The following DLG2 variants were observed in gnomAD, a reference collection of about 807,000 sequenced individuals.
The protein encoded by DLG2 is disks large homolog 2.
A neutral mutation model predicts 132.5 loss-of-function variants in DLG2; 45 were observed. The ratio of observed to expected loss-of-function variants is 0.34; its 90% CI spans 0.27 to 0.44. The LOEUF (loss-of-function observed/expected upper bound fraction) is 0.44. Ranked by LOEUF, DLG2 falls within the 20% of genes least tolerant of loss-of-function variation. The pLI, the probability that DLG2 is intolerant of heterozygous loss-of-function variation, is 1.00. For synonymous variants in DLG2, 424 were observed against 419.6 expected, an observed-to-expected ratio of 1.01 and a Z score of -0.13; for missense variants, 1,045 against 1,196.9, an observed-to-expected ratio of 0.87 and a Z score of 1.87.
At chr11:84,859,365 T>C (rs1404723833) in intron 6 of DLG2, among the ~76,000 whole-genome samples, 5 of 146,620 alleles carry the variant, frequency 3.4e-5, no homozygotes, top group Non-Finnish European at 7.5e-5. Flanking sequence ...AACATATATG[T>C]ATATATACAC....
At chr11:85,049,558 A>T (rs2062692174) in intron 6 of DLG2, among the ~76,000 whole-genome samples, 1 of 152,096 alleles carries the variant, frequency 6.6e-6, no homozygotes, top group Non-Finnish European at 1.5e-5. Context: ...GCCAGTAATT[A>T]TCTGCACTAG....
chr11:83,822,294 G>C lies in DLG2; in HGVS notation c.1722+11320C>G, dbSNP rs116867007. On this transcript the variant is annotated intron_variant, in intron 17 of 27. Transcript: ENST00000376104. The stretch of plus-strand genomic sequence containing the variant: ...TCAGGCCTAGGCTCCTCCCACTAGA[G>C]GCTTCTCTCTGAAATAATTTCTATT... 8.0e-3 allele frequency among the ~76,000 whole-genome samples: 1,223 copies of C among 152,156 alleles called. 12 individuals are homozygous for C. Among genetic ancestry groups the C allele is most frequent in the Non-Finnish European group, 0.014 (928 of 67,992 alleles).
intron 7 of DLG2, among the ~76,000 whole-genome samples, chr11:84,461,174 G>A (rs2099079187): frequency 6.6e-6 from 1 of 150,814 alleles, no homozygotes; most frequent in African/African-American, 2.4e-5. Context: ...GCTATTACTT[G>A]TCAAGCTCAC....
At chr11:84,016,590 C>A (rs921253545) in intron 11 of DLG2, among the ~76,000 whole-genome samples, 1 of 152,078 alleles carries the variant, frequency 6.6e-6, no homozygotes, top group African/African-American at 2.4e-5. Context: ...CTCCCAGCAT[C>A]ATTTATTAAA....
chr11:85,559,398 C>T (rs904867959), intron 3 of DLG2, among the ~76,000 whole-genome samples: 1 of 151,366 alleles, frequency 6.6e-6, no homozygotes, highest in African/African-American at 2.4e-5. Flanking sequence ...ATCTGCCCGC[C>T]TCGGCCTCCC....
chr11:83,999,210 T>C (rs981493074), intron 11 of DLG2, among the ~76,000 whole-genome samples: 1 of 151,952 alleles, frequency 6.6e-6, no homozygotes, highest in Admixed American at 6.6e-5. Context: ...CCTGGCTTTG[T>C]CCCTTCTTCC....
intron 8 of DLG2, among the ~76,000 whole-genome samples, chr11:84,191,629 C>T (rs1200674813): frequency 6.6e-6 from 1 of 152,142 alleles, no homozygotes; most frequent in Non-Finnish European, 1.5e-5. Flanking sequence ...AATACCTTAT[C>T]AAACCGTTTA....
chr11:85,511,921 CGGGGTCTTAGTATGTTGCCCAGGCT>C (rs1487420302), intron 3 of DLG2, among the ~76,000 whole-genome samples: 1 of 151,710 alleles, frequency 6.6e-6, no homozygotes, highest in African/African-American at 2.4e-5. Context: ...TTTGCAGAGA[CGGGGTCTTAGTATGTTGCCCAGGCT>C]GGTAAACCTT....
At chr11:84,638,607 T>A (rs2099644753) in intron 6 of DLG2, among the ~76,000 whole-genome samples, 1 of 152,232 alleles carries the variant, frequency 6.6e-6, no homozygotes. Context: ...ATGAGTGTTA[T>A]TTTTTGAAAT....
At chr11:84,119,395 A>G (rs2093795816) in intron 9 of DLG2, among the ~76,000 whole-genome samples, 2 of 151,882 alleles carry the variant, frequency 1.3e-5, no homozygotes, top group Admixed American at 1.3e-4. Context: ...CCATATGCAG[A>G]TGAGCGTTTT....
intron 5 of DLG2, among the ~76,000 whole-genome samples, chr11:85,116,504 T>A (rs1416096280): frequency 6.6e-6 from 1 of 151,996 alleles, no homozygotes; most frequent in African/African-American, 2.4e-5. Context: ...TACTTACAAA[T>A]ATGATTTATG....
intron 3 of DLG2, among the ~76,000 whole-genome samples, chr11:85,485,303 G>A (rs1002136168): frequency 7.2e-5 from 11 of 152,196 alleles, no homozygotes; most frequent in African/African-American, 2.7e-4. Context: ...GTATACATAT[G>A]TAACTAACCT....
chr11:83,916,078 C>G (rs542268998), intron 15 of DLG2, among the ~76,000 whole-genome samples: 1 of 152,240 alleles, frequency 6.6e-6, no homozygotes, highest in South Asian at 2.1e-4. Flanking sequence ...GTACTTCATT[C>G]TTTTTTCTGG....
At chr11:83,920,456 C>A (rs1330088148) in intron 15 of DLG2, among the ~76,000 whole-genome samples, 1 of 152,090 alleles carries the variant, frequency 6.6e-6, no homozygotes, top group African/African-American at 2.4e-5. Flanking sequence ...GCCCTTCCCC[C>A]ATACTGCCAA....
intron 9 of DLG2, among the ~76,000 whole-genome samples, chr11:84,121,226 A>T (rs912490430): frequency 6.6e-6 from 1 of 152,232 alleles, no homozygotes; most frequent in Admixed American, 6.5e-5. Flanking sequence ...TAAGTTATTT[A>T]ACCGCTTTGA....
intron 6 of DLG2, among the ~76,000 whole-genome samples, chr11:85,070,191 A>G (rs577028863): frequency 6.6e-6 from 1 of 152,022 alleles, no homozygotes; most frequent in East Asian, 1.9e-4. Flanking sequence ...ATTAGGAGAT[A>G]TACCTAATGT....
intron 7 of DLG2, among the ~76,000 whole-genome samples, chr11:84,520,283 T>A (rs1222072961): frequency 1.3e-5 from 2 of 152,240 alleles, no homozygotes; most frequent in African/African-American, 2.4e-5. Flanking sequence ...CATGTCATTG[T>A]GAGCTGAGTC....
At chr11:83,746,275 CACGTA>C (rs2092905240) in intron 18 of DLG2, among the ~76,000 whole-genome samples, 1 of 152,166 alleles carries the variant, frequency 6.6e-6, no homozygotes, top group African/African-American at 2.4e-5. Context: ...GACATATGCA[CACGTA>C]TGTTTATTGC....
chr11:85,093,750 G>C (rs349089), intron 6 of DLG2, among the ~76,000 whole-genome samples: 77,423 of 152,066 alleles, frequency 0.51, 20,130 homozygotes, highest in East Asian at 0.65. Flanking sequence ...CCCCCGACTG[G>C]GTCCCTCACA....
Sources: gnomAD v4.1 joint callset for allele counts (sites outside exome capture counted in the v4.1 genomes callset) on GRCh38, gnomAD v4.1.1 for gene constraint, MANE v1.5 for transcripts, NCBI Gene and HGNC (gene_info 2026-07-23, HGNC 2026-07-21) for gene names.